Variants in IQSEC3 observed in about 807,000 individuals in gnomAD.
IQSEC3 encodes the protein IQ motif and SEC7 domain-containing protein 3.
A neutral mutation model predicts 105.4 loss-of-function variants in IQSEC3; 50 were observed. The observed-to-expected ratio is 0.47, with a 90% CI of 0.38 to 0.60. The LOEUF is 0.60. Among genes scored for constraint, IQSEC3 ranks in the 20% least tolerant of loss-of-function variants. IQSEC3 has a pLI of 0.00. For missense variants in IQSEC3, 1,415 were observed against 1,630.0 expected (o/e 0.87, Z 2.27); for synonymous variants, 708 against 746.0 (o/e 0.95, Z 0.83).
At chr12:104,396 A>G (rs1172775136) in intron 2 of IQSEC3, among the ~76,000 whole-genome samples, 1 of 152,216 alleles carries the variant, frequency 6.6e-6, no homozygotes, top group African/African-American at 2.4e-5. Flanking sequence ...ATTATAAGTC[A>G]TACACGCTAG....
chr12:160,846 G>A (rs1311533541), intron 7 of IQSEC3, among the ~76,000 whole-genome samples: 1 of 152,134 alleles, frequency 6.6e-6, no homozygotes, highest in African/African-American at 2.4e-5. Flanking sequence ...CACTTGCCAG[G>A]TCCTGGGGTG....
intron 5 of IQSEC3, among the ~76,000 whole-genome samples, chr12:154,686 T>C (rs1246569387): frequency 6.6e-6 from 1 of 152,142 alleles, no homozygotes; most frequent in Non-Finnish European, 1.5e-5. Flanking sequence ...ACTTCACATC[T>C]TCATCTCTAC....
chr12:168,972 G>A (rs782353602), intron 11 of IQSEC3, 41 bp from the exon 12 acceptor site: 1 of 1,557,216 alleles, frequency 6.4e-7, no homozygotes, highest in South Asian at 1.1e-5. Context: ...GTGTGGTTGA[G>A]GTTAAGGTTT....
chr12:149,818 G>A (rs1277960813), intron 5 of IQSEC3, among the ~76,000 whole-genome samples: 2 of 152,212 alleles, frequency 1.3e-5, no homozygotes, highest in South Asian at 2.1e-4. Flanking sequence ...ATGCACCAAA[G>A]TGGGGGCGTG....
At chr12:164,355 CT>C (rs1867069944) in intron 9 of IQSEC3, among the ~76,000 whole-genome samples, 1 of 151,078 alleles carries the variant, frequency 6.6e-6, no homozygotes, top group Non-Finnish European at 1.5e-5. Flanking sequence ...CCCCACCCCC[CT>C]GAGAGCAGCA....
chr12:139,134 G>GCCGAGT lies in IQSEC3; in HGVS notation c.1772_1773insCGAGTC (p.Ala591_Gly592insGluSer). On this transcript the variant is annotated inframe_insertion, in exon 4 of 14. Transcript: ENST00000538872. ...GGTGGGGAGAGGGGCCGAGGCCGAG[G>GCCGAGT]CAGGCGACTTGGAGCAGCTGAGCAG... is the stretch of plus-strand genomic sequence containing the variant. 6.6e-7 allele frequency: 1 copy of GCCGAGT among 1,524,012 alleles called. No individual in the cohort carries two copies. The highest frequency in any genetic ancestry group is 8.8e-7 in the Non-Finnish European group (1 of 1,133,236). The allele number at this position is 1,524,012 out of a possible 1,614,324, so 94.4% of individuals were successfully genotyped here.
chr12:120,008 C>A (rs74596068), intron 2 of IQSEC3, among the ~76,000 whole-genome samples: 76 of 152,288 alleles, frequency 5.0e-4, no homozygotes, highest in African/African-American at 1.8e-3. Context: ...TAATATCTAC[C>A]TATCCATCCA....
chr12:147,077 A>G (rs1001727198), intron 5 of IQSEC3, among the ~76,000 whole-genome samples: 2 of 152,228 alleles, frequency 1.3e-5, no homozygotes, highest in Admixed American at 1.3e-4. Flanking sequence ...GGACTTTTAT[A>G]TAAAAATGGA....
chr12:144,010 C>G (rs186691708), intron 5 of IQSEC3: 4 of 152,838 alleles, frequency 2.6e-5, no homozygotes, highest in Admixed American at 2.6e-4. Flanking sequence ...GAGTGCAGAG[C>G]TAAGCCCTGA....
intron 8 of IQSEC3, among the ~76,000 whole-genome samples, chr12:162,844 G>C (rs148996972): frequency 5.0e-4 from 76 of 152,274 alleles, no homozygotes; most frequent in Middle Eastern, 6.8e-3. Flanking sequence ...AGAAAGGGTG[G>C]AGGTGTCATA....
chr12:126,573 G>GTGTGTGTGTA (rs1555083564), intron 3 of IQSEC3, among the ~76,000 whole-genome samples: 2 of 149,980 alleles, frequency 1.3e-5, no homozygotes, highest in African/African-American at 5.0e-5. Context: ...GTGTGTGTGT[G>GTGTGTGTGTA]CGCTTAGAGA....
chr12:138,121 A>T lies in IQSEC3; in HGVS notation c.904-146A>T. On this transcript the variant is annotated intron_variant, in intron 3 of 13. Coordinates refer to ENST00000538872, the MANE Select transcript of IQSEC3 (RefSeq NM_001170738.2). The surrounding 1 kb of genome is among the most constrained non-coding windows in gnomAD (Gnocchi z 7.1). ...GTGGCCAGGACGTTCTAGGCGGTTC[A>T]GACTTTAGCTGCCCAGGAGCGCCCC... is the stretch of plus-strand genomic sequence containing the variant. 1 of 690,986 alleles carries T rather than the reference A, an allele frequency of 1.4e-6. No homozygotes were observed. The highest frequency in any genetic ancestry group is 2.4e-6 in the Non-Finnish European group (1 of 415,000). The allele number at this position is 690,986 out of a possible 1,614,324, so 42.8% of individuals were successfully genotyped here.
chr12:81,687 C>T (rs1332034221), intron 1 of IQSEC3, among the ~76,000 whole-genome samples: 1 of 152,046 alleles, frequency 6.6e-6, no homozygotes, highest in Non-Finnish European at 1.5e-5. Flanking sequence ...GTGCAGTAGG[C>T]ATTTGGAATG....
At chr12:78,513 A>C (rs1199741452) in intron 1 of IQSEC3, among the ~76,000 whole-genome samples, 1 of 151,198 alleles carries the variant, frequency 6.6e-6, no homozygotes, top group Non-Finnish European at 1.5e-5. Flanking sequence ...AGCAAAAAAA[A>C]AAAATAAATT....
chr12:164,847 G>C (rs1289692115), intron 9 of IQSEC3: 1 of 151,914 alleles, frequency 6.6e-6, no homozygotes, highest in African/African-American at 2.4e-5. Context: ...AAATAATTAA[G>C]AAACAGACAA....
intron 1 of IQSEC3, among the ~76,000 whole-genome samples, chr12:96,094 G>C (rs541599280): frequency 6.6e-6 from 1 of 152,172 alleles, no homozygotes; most frequent in East Asian, 1.9e-4. Flanking sequence ...GTTTTAGGGG[G>C]ACATGAGACA....
intron 5 of IQSEC3, chr12:142,299 G>A (rs1866063257): frequency 6.6e-6 from 1 of 152,210 alleles, no homozygotes; most frequent in Admixed American, 6.5e-5. Context: ...GTGGGAGCTT[G>A]GATATTTCAC....
rs782123547 is a variant in IQSEC3, at chr12:67,244, T to A, written c.362T>A (p.Leu121Gln). Reference sequence around the variant, plus strand: ...CCGCGTCAGCACCACGGACAGCTCCTGGAGCAGCCCCAGCGGGGCCCTGGC... The same window carrying A: ...CCGCGTCAGCACCACGGACAGCTCCAGGAGCAGCCCCAGCGGGGCCCTGGC... ...RPPRQHHGQL[L>Q]EQPQRGPGSR... The change falls in exon 1 of 14, where the codon CTG (leucine) becomes CAG (glutamine). Residue 121 changes from leucine (L) to glutamine (Q), a missense_variant. Leu to Gln is a moderately radical substitution (Grantham distance 113, BLOSUM62 -2). Around this residue, in one of 6 missense-constraint regions of IQSEC3, gnomAD observed 26 missense variants for 108.1 expected, o/e 0.24. Transcript: ENST00000538872. 1 of 1,588,824 alleles carries A rather than the reference T, an allele frequency of 6.3e-7. No homozygotes were observed. Among genetic ancestry groups the A allele is most frequent in the Non-Finnish European group, 8.5e-7 (1 of 1,176,116 alleles).
intron 5 of IQSEC3, chr12:148,770 A>C (rs7135530): frequency 0.98 from 148,730 of 152,258 alleles, 72,726 homozygotes; most frequent in East Asian, 1. Context: ...GGTGGTTTAG[A>C]TTTCCTTCCT....
Sources: gnomAD v4.1 joint callset for allele counts (sites outside exome capture counted in the v4.1 genomes callset) on GRCh38, gnomAD v4.1.1 for gene constraint, gnomAD v4.1.1 regional missense constraint, Gnocchi (gnomAD v3.1) non-coding constraint, MANE v1.5 for transcripts, NCBI Gene and HGNC (gene_info 2026-07-23, HGNC 2026-07-21) for gene names.